The following CD109 variants were observed in gnomAD, a reference collection of about 807,000 sequenced individuals.
CD109 encodes the protein CD109 antigen.
CD109 carries 149 observed loss-of-function variants against 165.8 expected under a neutral mutation model. The observed-to-expected ratio is 0.90, with a 90% CI of 0.79 to 1.03. CD109 has a LOEUF of 1.03. Among genes scored for constraint, CD109 ranks in the 50% least tolerant of loss-of-function variants. The probability of loss-of-function intolerance (pLI) is 0.00; values close to 1 mark genes in which losing one functional copy is unlikely to be tolerated. For synonymous variants in CD109, 585 were observed against 592.1 expected, an observed-to-expected ratio of 0.99 and a Z score of 0.18; for missense variants, 1,712 against 1,677.8, an observed-to-expected ratio of 1.02 and a Z score of -0.36.
chr6:73,703,693 G>A (rs1771160365), intron 2 of CD109, among the ~76,000 whole-genome samples: 1 of 151,590 alleles, frequency 6.6e-6, no homozygotes, highest in Non-Finnish European at 1.5e-5. Context: ...ATGCTTACTT[G>A]CATACTGTGA....
At chr6:73,791,136 C>CATATATATATATATATAT (rs61429872) in intron 22 of CD109, among the ~76,000 whole-genome samples, 2 of 56,346 alleles carry the variant, frequency 3.5e-5, no homozygotes, top group Non-Finnish European at 5.7e-5. Context: ...TACATACATA[C>CATATATATATATATATAT]ATATATATAT....
intron 5 of CD109, among the ~76,000 whole-genome samples, chr6:73,755,835 C>G (rs1326423491): frequency 6.6e-6 from 1 of 151,920 alleles, no homozygotes; most frequent in Admixed American, 6.6e-5. Flanking sequence ...GTGACTTGCC[C>G]CTGTGGTCCC....
chr6:73,781,653 A>G (rs186951779), intron 17 of CD109, among the ~76,000 whole-genome samples: 1 of 150,046 alleles, frequency 6.7e-6, no homozygotes, highest in African/African-American at 2.5e-5. Flanking sequence ...ATTATTTAAA[A>G]GGAGCAACAT....
At position 73,763,473 on chromosome 6, in the gene CD109, T is replaced by C. The variant is rs79553690; in HGVS notation, c.998-103T>C. On this transcript the variant is annotated intron_variant, in intron 9 of 32. Transcript: ENST00000287097. ...GGAATGAGGCTTATGTGCCCTGATA[T>C]TTTTAACCCTTTTTGCAATAGGTTA... is the stretch of plus-strand genomic sequence containing the variant. The C allele has an allele frequency of 9.3e-5, 57 of 612,176 alleles. No homozygotes were observed. The African/African-American group carries it at 9.6e-4, about 10-fold the overall frequency. 37.9% of individuals were successfully genotyped at this position (612,176 alleles called of 1,614,324 possible).
At position 73,825,657 on chromosome 6, in the gene CD109, G is replaced by A. The variant is rs905223743; in HGVS notation, c.*2024G>A. 100 of 152,024 alleles carry A rather than the reference G, an allele frequency of 6.6e-4. 1 individual carries two copies. The highest frequency in any genetic ancestry group is 2.2e-3 in the African/African-American group (93 of 41,392). The allele number at this position is 152,024 out of a possible 1,614,324, so 9.4% of individuals were successfully genotyped here. The stretch of plus-strand genomic sequence containing the variant: ...AAAACTATCATTTGAATACTTTTTT[G>A]GTGAAGAACTCCATGTTTTCAAGTT... On this transcript the variant is annotated 3_prime_UTR_variant, in exon 33 of 33. Coordinates refer to ENST00000287097, the MANE Select transcript of CD109 (RefSeq NM_133493.5).
Position 73,736,578 on chromosome 6 carries a change from C to A in CD109, c.633+70C>A. 5.1e-6 allele frequency: 7 copies of A among 1,362,468 alleles called. No individual in the cohort carries two copies. The East Asian group carries it at 1.5e-4, about 29-fold the overall frequency. 84.4% of individuals were successfully genotyped at this position (1,362,468 alleles called of 1,614,324 possible). On this transcript the variant is annotated intron_variant, in intron 5 of 32. Coordinates refer to ENST00000287097, the MANE Select transcript of CD109 (RefSeq NM_133493.5). ...ATTAGGTCAGGTGGGGGAAAATCTC[C>A]AAAGTCATTTATACAATGAAGAGAA...
Position 73,810,177 on chromosome 6 carries a change from G to A in CD109, c.3546+3G>A, listed in dbSNP as rs763456671. On this transcript the variant is annotated splice_donor_region_variant and intron_variant, in intron 27 of 32. Transcript: ENST00000287097. ...TGGGTGGTTTTGCATCTACTCAGGT[G>A]AGAGATGATAGTTTTTTCCCTTTAA... 6.6e-7 allele frequency: 1 copy of A among 1,526,642 alleles called. No individual in the cohort carries two copies. The highest frequency in any genetic ancestry group is 8.8e-7 in the Non-Finnish European group (1 of 1,139,726). The allele number at this position is 1,526,642 out of a possible 1,614,324, so 94.6% of individuals were successfully genotyped here.
rs763057949 is a variant in CD109, at chr6:73,723,252, C to T, written c.249C>T (p.Gly83=). 8 of 1,612,440 alleles carry T rather than the reference C, an allele frequency of 5.0e-6. No homozygotes were observed. The highest frequency in any genetic ancestry group is 1.3e-5 in the African/African-American group (1 of 74,854). ...VLEAEGVFEK[G]SFKTLTLPSL... is the part of the protein sequence containing the mutation. ...TTTTCTTTCCTGTTTTCCTTGTAGG[C>T]TCTTTTAAGACACTTACTCTTCCAT... The change falls in exon 3 of 33, where the codon GGC becomes GGT. Residue 83 remains glycine, a splice_region_variant and synonymous_variant. Coordinates refer to ENST00000287097, the MANE Select transcript of CD109 (RefSeq NM_133493.5).
the CD109 span, among the ~76,000 whole-genome samples, chr6:73,688,522 C>A: frequency 6.6e-6 from 1 of 152,080 alleles, no homozygotes; most frequent in African/African-American, 2.4e-5. Context: ...GCTCCTAAAT[C>A]CCTTGGAATT....
intron 23 of CD109, among the ~76,000 whole-genome samples, chr6:73,801,637 T>C (rs1775363859): frequency 6.6e-6 from 1 of 152,242 alleles, no homozygotes; most frequent in Non-Finnish European, 1.5e-5. Context: ...AGTTTGGGAC[T>C]TGAAGGTGAG....
chr6:73,697,129 C>A (rs9442946), intron 1 of CD109, among the ~76,000 whole-genome samples: 3 of 152,128 alleles, frequency 2.0e-5, no homozygotes, highest in Non-Finnish European at 4.4e-5. Context: ...TCCTTCTGTG[C>A]GGTTCGTGGT....
chr6:73,761,014 AACACACACACACACACACACAC>A (rs577598100), intron 7 of CD109, among the ~76,000 whole-genome samples: 75 of 124,402 alleles, frequency 6.0e-4, no homozygotes, highest in African/African-American at 1.5e-3. Flanking sequence ...ACTGTGTCTA[AACACACACACACACACACACAC>A]ACACACACAC....
At chr6:73,789,458 CA>C (rs1157515964) in intron 22 of CD109, among the ~76,000 whole-genome samples, 2 of 127,520 alleles carry the variant, frequency 1.6e-5, no homozygotes, top group African/African-American at 3.2e-5. Flanking sequence ...GCTGTCTGAG[CA>C]TTTTTTTTTT....
chr6:73,781,127 ATG>A (rs1270892688), intron 16 of CD109, 130 bp from the exon 17 acceptor site: 3 of 636,532 alleles, frequency 4.7e-6, no homozygotes, highest in Admixed American at 5.2e-5. Flanking sequence ...GAAAGGTTGA[ATG>A]TATGTGCATG....
At chr6:73,747,166 A>G (rs999838864) in intron 5 of CD109, among the ~76,000 whole-genome samples, 3 of 152,202 alleles carry the variant, frequency 2.0e-5, no homozygotes, top group Non-Finnish European at 4.4e-5. Flanking sequence ...TGCAGTGTTG[A>G]CAGTCTCTTT....
At chr6:73,736,004 A>T (rs747148316) in intron 4 of CD109, among the ~76,000 whole-genome samples, 1 of 152,198 alleles carries the variant, frequency 6.6e-6, no homozygotes, top group Admixed American at 6.5e-5. Context: ...ATAGGGTGCC[A>T]GGAATTAAAA....
chr6:73,707,369 A>T (rs1043568093), intron 2 of CD109, among the ~76,000 whole-genome samples: 1 of 152,174 alleles, frequency 6.6e-6, no homozygotes, highest in African/African-American at 2.4e-5. Context: ...AGAACAGACG[A>T]AAGAGTGGGT....
intron 5 of CD109, among the ~76,000 whole-genome samples, chr6:73,746,956 A>G (rs1263521012): frequency 2.0e-5 from 3 of 152,304 alleles, no homozygotes; most frequent in East Asian, 3.9e-4. Flanking sequence ...TCAGTAGATT[A>G]TCTTCCTTTC....
intron 7 of CD109, among the ~76,000 whole-genome samples, chr6:73,761,787 C>A (rs944300259): frequency 2.0e-5 from 3 of 152,044 alleles, no homozygotes; most frequent in African/African-American, 7.2e-5. Flanking sequence ...TCCCAAAGTG[C>A]TGGGATTACA....
Sources: gnomAD v4.1 joint callset for allele counts (sites outside exome capture counted in the v4.1 genomes callset) on GRCh38, gnomAD v4.1.1 for gene constraint, MANE v1.5 for transcripts, NCBI Gene and HGNC (gene_info 2026-07-23, HGNC 2026-07-21) for gene names.